The following SAMD5 variants were observed in gnomAD, a reference collection of about 807,000 sequenced individuals.
The protein encoded by SAMD5 is sterile alpha motif domain containing 5.
Under a neutral mutation model 11.3 loss-of-function variants are expected in SAMD5, and 13 were observed. That is an observed-to-expected ratio of 1.15 (90% CI 0.75 to 1.83). SAMD5 has a LOEUF of 1.83. SAMD5 is among the 40% of genes most tolerant of loss of function. The pLI, the probability that SAMD5 is intolerant of heterozygous loss-of-function variation, is 0.00. For synonymous variants in SAMD5, 129 were observed against 111.3 expected (o/e 1.16, Z -1.00); for missense variants, 255 against 239.1 (o/e 1.07, Z -0.44).
chr6:147,692,754 T>C (rs1385404434), intron 1 of SAMD5, among the ~76,000 whole-genome samples: 1 of 152,212 alleles, frequency 6.6e-6, no homozygotes, highest in African/African-American at 2.4e-5. Context: ...AGCCAGAATG[T>C]TGGGGCCTTT....
chr6:147,629,136 C>CA (rs1453549203), intron 1 of SAMD5, among the ~76,000 whole-genome samples: 58 of 151,130 alleles, frequency 3.8e-4, no homozygotes, highest in Non-Finnish European at 3.5e-4. Flanking sequence ...ACTAAAAATA[C>CA]AGAAAACAAA....
At chr6:147,915,917 A>G in the SAMD5 span, among the ~76,000 whole-genome samples, 1 of 109,048 alleles carries the variant, frequency 9.2e-6, no homozygotes, top group Non-Finnish European at 1.8e-5. Context: ...CCACCCCACA[A>G]CAGGCCCCGG....
At chr6:147,739,136 C>T (rs1791844410), downstream of SAMD5, among the ~76,000 whole-genome samples, 1 of 152,198 alleles carries the variant, frequency 6.6e-6, no homozygotes, top group Admixed American at 6.5e-5. Flanking sequence ...ACAGGTTTCC[C>T]TTCAGACAGA....
rs1345978687 is a variant in SAMD5 at position 147,565,104 on chromosome 6, T to G, written c.*648T>G. ...AGAGGACAATTTCTTCTAACTTCTC[T>G]TTTTAAATTTAATCTGGCTGAGGTT... On this transcript the variant is annotated 3_prime_UTR_variant, in exon 2 of 2. Transcript: ENST00000367474. The G allele has an allele frequency of 1.0e-6, 1 of 984,862 alleles. No individual in the cohort carries two copies. Among genetic ancestry groups the G allele is most frequent in the Non-Finnish European group, 1.2e-6 (1 of 829,504 alleles). The allele number at this position is 984,862 out of a possible 1,614,324, so 61.0% of individuals were successfully genotyped here. A position where few individuals can be genotyped will look rare whatever the true frequency, so the allele number is the denominator to read the frequency against.
At chr6:147,835,595 C>T in the SAMD5 span, among the ~76,000 whole-genome samples, 1 of 152,114 alleles carries the variant, frequency 6.6e-6, no homozygotes, top group African/African-American at 2.4e-5. Flanking sequence ...TCCTGCCATG[C>T]CATTTCTGTT....
At chr6:147,722,568 T>A (rs1285490861) in intron 1 of SAMD5, among the ~76,000 whole-genome samples, 1 of 152,238 alleles carries the variant, frequency 6.6e-6, no homozygotes, top group Non-Finnish European at 1.5e-5. Flanking sequence ...TTCATTTCCC[T>A]ATATATTTAA....
the SAMD5 span, among the ~76,000 whole-genome samples, chr6:147,883,383 TG>T: frequency 6.6e-6 from 1 of 152,212 alleles, no homozygotes; most frequent in African/African-American, 2.4e-5. Flanking sequence ...TTTGGCATTA[TG>T]ATGCTCTAAA....
At chr6:147,876,802 T>C in the SAMD5 span, among the ~76,000 whole-genome samples, 3,886 of 152,324 alleles carry the variant, frequency 0.026, 53 homozygotes, top group African/African-American at 0.034. Context: ...ATGGAATATT[T>C]TAGCCAGGCA....
intron 1 of SAMD5, among the ~76,000 whole-genome samples, chr6:147,576,774 A>G (rs570011164): frequency 7.2e-5 from 11 of 152,348 alleles, no homozygotes; most frequent in Non-Finnish European, 1.5e-4. Context: ...GATTTATAAA[A>G]CAAAGACTTG....
chr6:147,904,381 A>C, the SAMD5 span, among the ~76,000 whole-genome samples: 8 of 152,198 alleles, frequency 5.3e-5, no homozygotes, highest in Admixed American at 1.3e-4. Flanking sequence ...GAGCTACAGG[A>C]GGAAGCCACA....
the SAMD5 span, among the ~76,000 whole-genome samples, chr6:147,939,166 G>T: frequency 6.6e-6 from 1 of 152,184 alleles, no homozygotes; most frequent in African/African-American, 2.4e-5. Flanking sequence ...GATGCCCAGG[G>T]CATGTGGCAA....
the SAMD5 span, among the ~76,000 whole-genome samples, chr6:147,857,632 A>G: frequency 1.3e-5 from 2 of 152,144 alleles, no homozygotes; most frequent in Non-Finnish European, 2.9e-5. Context: ...CATAAATTGT[A>G]TCATGTATGT....
At chr6:147,760,632 G>A in the SAMD5 span, among the ~76,000 whole-genome samples, 22 of 152,284 alleles carry the variant, frequency 1.4e-4, no homozygotes, top group Admixed American at 1.0e-3. Flanking sequence ...GATATTGAGA[G>A]CACTGATGTT....
chr6:147,913,306 C>T, the SAMD5 span, among the ~76,000 whole-genome samples: 6 of 152,264 alleles, frequency 3.9e-5, no homozygotes, highest in African/African-American at 1.4e-4. Context: ...GGCAGAATTT[C>T]AAGCAAATAT....
At chr6:147,680,412 C>T (rs1790924898) in intron 1 of SAMD5, among the ~76,000 whole-genome samples, 1 of 152,050 alleles carries the variant, frequency 6.6e-6, no homozygotes, top group Non-Finnish European at 1.5e-5. Context: ...TTCTGGTAAA[C>T]ACATTATTAT....
chr6:147,932,092 G>A, the SAMD5 span, among the ~76,000 whole-genome samples: 3 of 152,270 alleles, frequency 2.0e-5, no homozygotes, highest in African/African-American at 7.2e-5. Flanking sequence ...CTTCTGGAAT[G>A]CTAAAAGCAC....
At chr6:147,821,554 T>G in the SAMD5 span, among the ~76,000 whole-genome samples, 1 of 152,236 alleles carries the variant, frequency 6.6e-6, no homozygotes, top group Non-Finnish European at 1.5e-5. Flanking sequence ...GGCACCACGC[T>G]GACATGCTGC....
chr6:147,709,333 T>C (rs1791365856), intron 1 of SAMD5, among the ~76,000 whole-genome samples: 1 of 152,216 alleles, frequency 6.6e-6, no homozygotes, highest in African/African-American at 2.4e-5. Context: ...TGATGCAACA[T>C]GTTTTGTTAA....
At chr6:147,521,862 C>T (rs545768650) in intron 1 of SAMD5, among the ~76,000 whole-genome samples, 91 of 137,858 alleles carry the variant, frequency 6.6e-4, no homozygotes, top group African/African-American at 2.0e-3. Flanking sequence ...ATAACAAGAA[C>T]GACAACTTTT....
Sources: allele counts gnomAD v4.1 joint callset (sites outside exome capture counted in the v4.1 genomes callset), GRCh38; gene constraint gnomAD v4.1.1; transcripts MANE v1.5; gene names NCBI Gene and HGNC (gene_info 2026-07-23, HGNC 2026-07-21).